Variants in LAMP2 observed in about 807,000 individuals in gnomAD.
The protein encoded by LAMP2 is lysosome-associated membrane glycoprotein 2.
In LAMP2, 4 loss-of-function variants were observed where a neutral mutation model predicts 25.6. The observed-to-expected ratio is 0.16, with a 90% CI of 0.08 to 0.36. The LOEUF (loss-of-function observed/expected upper bound fraction) is 0.36. Ranked by LOEUF, LAMP2 falls within the 10% of genes least tolerant of loss-of-function variation. LAMP2 has a pLI of 1.00. For missense variants in LAMP2, 272 were observed against 301.4 expected (o/e 0.90, Z 0.72); for synonymous variants, 108 against 112.7 (o/e 0.96, Z 0.27).
chrX:120,440,052 T>C (rs2058565053), intron 8 of LAMP2, among the ~76,000 whole-genome samples: 1 of 111,936 alleles, frequency 8.9e-6, no homozygotes, highest in African/African-American at 3.2e-5. Context: ...AATTCCAGTG[T>C]CCATAAATAA....
chrX:120,441,085 G>A (rs2058569771), intron 8 of LAMP2, among the ~76,000 whole-genome samples: 4 of 112,261 alleles, frequency 3.6e-5, no homozygotes, highest in African/African-American at 1.3e-4. Flanking sequence ...AGTCAATTAA[G>A]GAATTTTATG....
At chrX:120,443,416 A>C (rs1430814000) in intron 6 of LAMP2, among the ~76,000 whole-genome samples, 1 of 112,211 alleles carries the variant, frequency 8.9e-6, no homozygotes, top group East Asian at 2.8e-4. Flanking sequence ...TTGAGCACTT[A>C]CTAAGTGCCC....
At chrX:120,461,089 G>A (rs958331018) in intron 1 of LAMP2, among the ~76,000 whole-genome samples, 7 of 112,577 alleles carry the variant, frequency 6.2e-5, no homozygotes, top group African/African-American at 9.7e-5. Context: ...ACATGTATGC[G>A]TGTATGTTGG....
chrX:120,434,335 G>A (rs1209125846), intron 8 of LAMP2, among the ~76,000 whole-genome samples: 1 of 111,768 alleles, frequency 8.9e-6, no homozygotes, highest in Non-Finnish European at 1.9e-5. Context: ...GCTCAAAAAG[G>A]CAATTCCGCT....
intron 3 of LAMP2, among the ~76,000 whole-genome samples, chrX:120,449,336 T>C (rs1358010299): frequency 1.8e-5 from 2 of 112,592 alleles, no homozygotes; most frequent in Admixed American, 9.4e-5. Flanking sequence ...GGTTAGGGGC[T>C]GGGCACAGTG....
chrX:120,429,647 G>T lies in LAMP2; in HGVS notation c.*1676C>A. 1 of 752,495 alleles carries T rather than the reference G, an allele frequency of 1.3e-6. No individual in the cohort carries two copies. The highest frequency in any genetic ancestry group is 1.6e-6 in the Non-Finnish European group (1 of 638,571). The allele number at this position is 752,495 out of a possible 1,213,427, so 62.0% of individuals were successfully genotyped here. ...AAAAAAAAAACTTAAGCAAAACATA[G>T]TACGGAAGCCCAAAGTGCCCAATTC... On this transcript the variant is annotated 3_prime_UTR_variant, in exon 9 of 9. Coordinates refer to ENST00000200639, the MANE Select transcript of LAMP2 (RefSeq NM_002294.3).
intron 8 of LAMP2, among the ~76,000 whole-genome samples, chrX:120,436,129 TACACACACACACACACACAC>T (rs752616648): frequency 3.3e-5 from 3 of 89,660 alleles, no homozygotes; most frequent in East Asian, 3.4e-4. Context: ...CAGGGGAGCT[TACACACACACACACACACAC>T]ACACACACAC....
rs2058552001 is a variant in LAMP2 at position 120,437,829 on chromosome X, G to A, written c.1093+3901C>T. On this transcript the variant is annotated intron_variant, in intron 8 of 8. Coordinates refer to ENST00000200639, the MANE Select transcript of LAMP2 (RefSeq NM_002294.3). ...AGATAAAACCAAGACTTTTTGGTTAGATGCAAGTTTTGTTTGTTTGTTTGT... is the reference window on the plus strand; with the variant it reads ...AGATAAAACCAAGACTTTTTGGTTAAATGCAAGTTTTGTTTGTTTGTTTGT... The A allele has an allele frequency of 6.7e-6, 5 of 745,313 alleles. No individual in the cohort carries two copies. The African/African-American group carries it at 7.0e-5, about 10-fold the overall frequency. The allele number at this position is 745,313 out of a possible 1,213,427, so 61.4% of individuals were successfully genotyped here. A position where few individuals can be genotyped will look rare whatever the true frequency, so the allele number is the denominator to read the frequency against.
rs990817509 is a variant in LAMP2, at chrX:120,428,647, G to A, written c.*2676C>T. ...TTCAGCTGTTAGAAAAGAACAGACA[G>A]CAAGGAAAGGAAATTAGCAAAGAAT... On this transcript the variant is annotated 3_prime_UTR_variant, in exon 9 of 9. Transcript: ENST00000200639. 2 of 1,152,963 alleles carry A rather than the reference G, an allele frequency of 1.7e-6. No homozygotes were observed. The highest frequency in any genetic ancestry group is 6.0e-5 in the Admixed American group (2 of 33,248).
chrX:120,466,186 T>C (rs1394757994), intron 1 of LAMP2, among the ~76,000 whole-genome samples: 2 of 112,400 alleles, frequency 1.8e-5, no homozygotes, highest in Non-Finnish European at 3.8e-5. Context: ...GGTTCTTTTA[T>C]GTGCTTCTTT....
intron 3 of LAMP2, among the ~76,000 whole-genome samples, chrX:120,452,713 C>CTTTTTT (rs768340777): frequency 4.4e-5 from 3 of 67,667 alleles, no homozygotes; most frequent in African/African-American, 6.7e-5. Flanking sequence ...CCACACCTGG[C>CTTTTTT]TTTTTTTTTT....
In LAMP2 at chrX:120,431,062, AAG is replaced by A; in HGVS notation, c.*259_*260del. The A allele has an allele frequency of 1.1e-6, 1 of 947,102 alleles. No individual in the cohort carries two copies. Among genetic ancestry groups the A allele is most frequent in the Middle Eastern group, 4.8e-4 (1 of 2,095 alleles). The allele number at this position is 947,102 out of a possible 1,213,427, so 78.1% of individuals were successfully genotyped here. ...GATCAAAATTTGGCCAGGGCTTCTTAAGATAGACCTTAAAACATTGCACGTTG... is the reference window on the plus strand; with the variant it reads ...GATCAAAATTTGGCCAGGGCTTCTTAATAGACCTTAAAACATTGCACGTTG... On this transcript the variant is annotated 3_prime_UTR_variant, in exon 9 of 9. Transcript: ENST00000200639.
chrX:120,446,338 G>A lies in LAMP2; in HGVS notation c.831C>T (p.Ser277=). The part of the protein sequence containing the change: ...SHTALLRLNS[S]TIKYLDFVFA... ...AGACAAAGTCTAGATACTTAATGGT[G>A]CTGCTATTGAGTCTAAGTAGAGCAG... is the stretch of plus-strand genomic sequence containing the variant. Residue 277 remains serine (S), a synonymous_variant, in exon 6 of 9, where the codon AGC becomes AGT. Coordinates refer to ENST00000200639, the MANE Select transcript of LAMP2 (RefSeq NM_002294.3). 13 of 1,203,926 alleles carry A rather than the reference G, an allele frequency of 1.1e-5. No individual in the cohort carries two copies. The highest frequency in any genetic ancestry group is 1.5e-5 in the Non-Finnish European group (13 of 888,341).
rs181007064 is a variant in LAMP2 at position 120,463,844 on chromosome X, A to T, written c.64+5262T>A. Among the ~76,000 whole-genome samples, 73 of 107,646 alleles carry T rather than the reference A, an allele frequency of 6.8e-4. 5 individuals carry two copies. The highest frequency in any genetic ancestry group is 2.5e-3 in the African/African-American group (70 of 28,449). The allele number at this position is 107,646 out of a possible 115,157, so 93.5% of individuals were successfully genotyped here. ...ATTTGAATATCTATAACCCTATCAG[A>T]TGTGATAATCAATGACTAACAAACT... On this transcript the variant is annotated intron_variant, in intron 1 of 8. Transcript: ENST00000200639.
Position 120,428,526 on chromosome X carries a change from C to T in LAMP2, c.*2797G>A, listed in dbSNP as rs1252385133. 1 of 1,198,778 alleles carries T rather than the reference C, an allele frequency of 8.3e-7. No homozygotes were observed. Among genetic ancestry groups the T allele is most frequent in the African/African-American group, 1.8e-5 (1 of 56,973 alleles). On this transcript the variant is annotated 3_prime_UTR_variant, in exon 9 of 9. Transcript: ENST00000200639. ...CAGTACGACTTTTCCTTCTTCCAAT[C>T]ATATAAGAGATAAAGACAACAATTA... is the stretch of plus-strand genomic sequence containing the variant.
rs144140265 is a variant in LAMP2 at position 120,439,216 on chromosome X, C to T, written c.1093+2514G>A. ...CCAATTACGTAAGCAATCACTATAA[C>T]GATAATCAAGCCTGAAAGACCAGCA... On this transcript the variant is annotated intron_variant, in intron 8 of 8. Coordinates refer to ENST00000200639, the MANE Select transcript of LAMP2 (RefSeq NM_002294.3). The T allele has an allele frequency of 6.8e-3, 8,227 of 1,207,482 alleles. 24 individuals are homozygous for T. The highest frequency in any genetic ancestry group is 8.4e-3 in the Non-Finnish European group (7,466 of 893,116).
At chrX:120,438,218 G>A (rs1357370869) in intron 8 of LAMP2, 4 of 745,499 alleles carry the variant, frequency 5.4e-6, no homozygotes, top group Non-Finnish European at 6.3e-6. Context: ...GGACACACTG[G>A]CATTTCTTAA....
At chrX:120,460,890 G>T (rs2031256289) in intron 1 of LAMP2, among the ~76,000 whole-genome samples, 2 of 112,219 alleles carry the variant, frequency 1.8e-5, no homozygotes, top group African/African-American at 6.5e-5. Context: ...GGCAGAGGTT[G>T]CAGTGAGCCA....
chrX:120,442,700 C>T (rs376494707), intron 6 of LAMP2, 38 bp from the exon 7 acceptor site: 12 of 1,011,143 alleles, frequency 1.2e-5, no homozygotes, highest in Non-Finnish European at 1.7e-5. Flanking sequence ...TAACATTTCA[C>T]AACTGTCTAC....
Sources: gnomAD v4.1 joint callset for allele counts (sites outside exome capture counted in the v4.1 genomes callset) on GRCh38, gnomAD v4.1.1 for gene constraint, MANE v1.5 for transcripts, NCBI Gene and HGNC (gene_info 2026-07-23, HGNC 2026-07-21) for gene names.